Variants in ADCY1 observed in about 807,000 individuals in gnomAD.
ADCY1 encodes the protein adenylate cyclase type 1.
Under a neutral mutation model 105.4 loss-of-function variants are expected in ADCY1, and 28 were observed. That is an observed-to-expected ratio of 0.27 (90% CI 0.20 to 0.36). The LOEUF is 0.36. ADCY1 is among the 10% of genes least tolerant of loss of function. ADCY1 has a pLI of 1.00. For synonymous variants in ADCY1, 655 were observed against 623.8 expected (o/e 1.05, Z -0.75); for missense variants, 977 against 1,434.2 (o/e 0.68, Z 5.15).
Position 45,648,721 on chromosome 7 carries a change from T to C in ADCY1, c.1072T>C (p.Ser358Pro). 1 of 1,614,182 alleles carries C rather than the reference T, an allele frequency of 6.2e-7. No homozygotes were observed. The highest frequency in any genetic ancestry group is 8.5e-7 in the Non-Finnish European group (1 of 1,180,018). Reference sequence around the variant, plus strand: ...TCTCGGGGACTGCTACTACTGCGTGTCGGGCCTCACCCAGCCCAAGACTGA... The same window carrying C: ...TCTCGGGGACTGCTACTACTGCGTGCCGGGCCTCACCCAGCCCAAGACTGA... ...KILGDCYYCV[S>P]GLTQPKTDHA... The change falls in exon 5 of 20, where the codon TCG becomes CCG. Residue 358 changes from serine (S) to proline (P), a missense_variant. Ser to Pro is a moderately conservative substitution (Grantham distance 74). Transcript: ENST00000297323.
chr7:45,641,762 T>TA (rs1423453707), intron 4 of ADCY1, among the ~76,000 whole-genome samples: 1 of 143,606 alleles, frequency 7.0e-6, no homozygotes, highest in South Asian at 2.5e-4. Context: ...CCGTCTCTAC[T>TA]AAAAATACAA....
intron 19 of ADCY1, among the ~76,000 whole-genome samples, chr7:45,711,304 C>T (rs1785226178): frequency 6.6e-6 from 1 of 151,950 alleles, no homozygotes; most frequent in Non-Finnish European, 1.5e-5. Context: ...GAACTGCAGG[C>T]CTCCAGAGGC....
intron 4 of ADCY1, among the ~76,000 whole-genome samples, chr7:45,645,729 G>A (rs149386005): frequency 2.1e-4 from 32 of 152,172 alleles, no homozygotes; most frequent in African/African-American, 6.0e-4. Flanking sequence ...GTCCACTCAC[G>A]CACATGAGAT....
Position 45,686,474 on chromosome 7 carries a change from C to G in ADCY1, c.2328-73C>G. On this transcript the variant is annotated intron_variant, in intron 13 of 19. Transcript: ENST00000297323. The surrounding 1 kb of genome is among the most constrained non-coding windows in gnomAD (Gnocchi z 4.3). ...CACCTGAGGGTCACTCTGAACAGTT[C>G]TTGGGTTTGGTGGCAGAGTCTTGCC... The G allele has an allele frequency of 6.4e-7, 1 of 1,553,972 alleles. No homozygotes were observed. The highest frequency in any genetic ancestry group is 8.7e-7 in the Non-Finnish European group (1 of 1,147,282).
intron 8 of ADCY1, among the ~76,000 whole-genome samples, chr7:45,669,999 G>A (rs1784333799): frequency 6.6e-6 from 1 of 152,154 alleles, no homozygotes; most frequent in Non-Finnish European, 1.5e-5. Flanking sequence ...AATAGTATAT[G>A]GCTAATTATT....
intron 8 of ADCY1, among the ~76,000 whole-genome samples, chr7:45,669,118 T>C (rs1457062671): frequency 6.6e-6 from 1 of 152,230 alleles, no homozygotes; most frequent in African/African-American, 2.4e-5. Context: ...GGTTTTTGTG[T>C]CTCTATCTCT....
At chr7:45,653,249 C>T (rs73318999) in intron 5 of ADCY1, among the ~76,000 whole-genome samples, 2,920 of 152,208 alleles carry the variant, frequency 0.019, 83 homozygotes, top group African/African-American at 0.057. Flanking sequence ...CTTCAGTTTT[C>T]CCCCTCTGTA....
At chr7:45,701,442 A>G (rs1784992999) in intron 14 of ADCY1, among the ~76,000 whole-genome samples, 1 of 152,226 alleles carries the variant, frequency 6.6e-6, no homozygotes, top group South Asian at 2.1e-4. Context: ...AACCTAGATT[A>G]TGGTTTTTAA....
rs1187485755 is a variant in ADCY1 at position 45,574,457 on chromosome 7, C to G, written c.-87C>G. 13 of 178,086 alleles carry G rather than the reference C, an allele frequency of 7.3e-5. No homozygotes were observed. Among genetic ancestry groups the G allele is most frequent in the Non-Finnish European group, 9.3e-5 (9 of 96,558 alleles). The allele number at this position is 178,086 out of a possible 1,614,324, so 11.0% of individuals were successfully genotyped here. A position where few individuals can be genotyped will look rare whatever the true frequency, so the allele number is the denominator to read the frequency against. ...CCCCGGCGCCTCGCCGCCCGCCGCCCGCCCGCCCCGGCGCCGCCGCCCGCG... is the reference window on the plus strand; with the variant it reads ...CCCCGGCGCCTCGCCGCCCGCCGCCGGCCCGCCCCGGCGCCGCCGCCCGCG... On this transcript the variant is annotated 5_prime_UTR_variant, in exon 1 of 20. Coordinates refer to ENST00000297323, the MANE Select transcript of ADCY1 (RefSeq NM_021116.4). The surrounding 1 kb of genome is among the most constrained non-coding windows in gnomAD (Gnocchi z 7.0).
At chr7:45,685,848 TG>T in intron 12 of ADCY1, 113 bp from the exon 13 acceptor site, 1 of 1,317,146 alleles carries the variant, frequency 7.6e-7, no homozygotes, top group Non-Finnish European at 1.0e-6. Flanking sequence ...GCACTGGGGG[TG>T]GGTCAGAGCA....
intron 1 of ADCY1, 112 bp from the exon 2 acceptor site, chr7:45,592,647 C>T: frequency 6.8e-7 from 1 of 1,470,648 alleles, no homozygotes; most frequent in East Asian, 2.3e-5. Context: ...GTGGGTTTGG[C>T]CCGGGCGGCG....
intron 8 of ADCY1, among the ~76,000 whole-genome samples, chr7:45,663,818 C>CAA (rs200786032): frequency 1.5e-5 from 2 of 132,788 alleles, no homozygotes; most frequent in East Asian, 2.2e-4. Context: ...GACGGTGTCT[C>CAA]AAAAAAAAAA....
At chr7:45,659,130 T>C (rs1795021297) in intron 6 of ADCY1, among the ~76,000 whole-genome samples, 1 of 152,204 alleles carries the variant, frequency 6.6e-6, no homozygotes, top group South Asian at 2.1e-4. Context: ...CCTGCTCCTC[T>C]GGGGATCCTG....
rs749826222 is a variant in ADCY1 at position 45,714,000 on chromosome 7, G to A, written c.*5G>A. ...GCAGCTGGGAAGGAGGCTTAGTGGA[G>A]CCCACGTGGGCCTCTGGGGTGCACA... On this transcript the variant is annotated 3_prime_UTR_variant, in exon 20 of 20. Coordinates refer to ENST00000297323, the MANE Select transcript of ADCY1 (RefSeq NM_021116.4). The A allele has an allele frequency of 1.3e-6, 1 of 770,888 alleles. No individual in the cohort carries two copies. The highest frequency in any genetic ancestry group is 1.4e-5 in the South Asian group (1 of 73,990). 47.8% of individuals were successfully genotyped at this position (770,888 alleles called of 1,614,324 possible).
chr7:45,638,175 C>G (rs984881976), intron 4 of ADCY1, among the ~76,000 whole-genome samples: 7 of 152,112 alleles, frequency 4.6e-5, no homozygotes, highest in African/African-American at 1.7e-4. Context: ...TTTTCAAATA[C>G]ATTTTATGAC....
intron 2 of ADCY1, among the ~76,000 whole-genome samples, chr7:45,609,060 A>C (rs1793457199): frequency 6.6e-6 from 1 of 152,180 alleles, no homozygotes; most frequent in African/African-American, 2.4e-5. Context: ...TTGTTCTCCC[A>C]TTGTAAAATG....
At chr7:45,628,985 G>A (rs1272265137) in intron 4 of ADCY1, among the ~76,000 whole-genome samples, 2 of 152,276 alleles carry the variant, frequency 1.3e-5, no homozygotes, top group East Asian at 3.9e-4. Context: ...AGCTGCATAT[G>A]TGTACGGTTC....
chr7:45,648,422 C>T (rs1028616786), intron 4 of ADCY1, among the ~76,000 whole-genome samples: 4 of 152,214 alleles, frequency 2.6e-5, no homozygotes, highest in African/African-American at 7.2e-5. Context: ...GATGGACCCC[C>T]GAAGGGGAAA....
intron 17 of ADCY1, 65 bp downstream of exon 17, chr7:45,704,681 G>T: frequency 7.5e-7 from 1 of 1,335,694 alleles, no homozygotes; most frequent in Admixed American, 1.9e-5. Flanking sequence ...ACTGCTCTGG[G>T]ACCCTGGGTA....
Sources: allele counts gnomAD v4.1 joint callset (sites outside exome capture counted in the v4.1 genomes callset), GRCh38; gene constraint gnomAD v4.1.1; non-coding constraint Gnocchi (gnomAD v3.1); transcripts MANE v1.5; gene names NCBI Gene and HGNC (gene_info 2026-07-23, HGNC 2026-07-21).